Variants in SSPN observed in about 807,000 individuals in gnomAD.
The protein encoded by SSPN is K-ras oncogene-associated protein.
SSPN carries 15 observed loss-of-function variants against 19.1 expected under a neutral mutation model. The ratio of observed to expected loss-of-function variants is 0.78; its 90% CI spans 0.52 to 1.21. The LOEUF is 1.21. Among genes scored for constraint, SSPN ranks in the 50% most tolerant of loss-of-function variants. SSPN has a pLI of 0.00. For missense variants in SSPN, 291 were observed against 314.0 expected (o/e 0.93, Z 0.55); for synonymous variants, 147 against 140.3 (o/e 1.05, Z -0.34).
At chr12:26,197,831 T>G (rs978482429) in intron 1 of SSPN, among the ~76,000 whole-genome samples, 5 of 152,202 alleles carry the variant, frequency 3.3e-5, no homozygotes, top group Non-Finnish European at 7.3e-5. Context: ...CCTGATGAAA[T>G]CTGTCATCTT....
intron 1 of SSPN, among the ~76,000 whole-genome samples, chr12:26,222,027 T>C (rs745831955): frequency 6.6e-6 from 1 of 152,232 alleles, no homozygotes; most frequent in Non-Finnish European, 1.5e-5. Flanking sequence ...GAAAATGCCA[T>C]GTTAGGGGCT....
intron 1 of SSPN, chr12:26,122,347 G>C: frequency 1.7e-6 from 2 of 1,182,472 alleles, no homozygotes; most frequent in Non-Finnish European, 2.1e-6. Flanking sequence ...GGGATGCCGG[G>C]GTATAGCAGC....
intron 1 of SSPN, among the ~76,000 whole-genome samples, chr12:26,129,418 C>A (rs1944385520): frequency 6.6e-6 from 1 of 152,150 alleles, no homozygotes; most frequent in Non-Finnish European, 1.5e-5. Context: ...TGCACACCTA[C>A]TCTCAAGGGA....
Position 26,230,692 on chromosome 12 carries a change from TTCTTC to T in SSPN, c.367-17_367-13del, listed in dbSNP as rs774414906. ...AATGTTCTTTGTAACCAGAAAGGTT[TTCTTC>T]TGCTTTCTTGCAGCTGTTATACTTT... On this transcript the variant is annotated splice_polypyrimidine_tract_variant and intron_variant, in intron 2 of 2. Transcript: ENST00000242729. 6.3e-7 allele frequency: 1 copy of T among 1,583,122 alleles called. No homozygotes were observed. Among genetic ancestry groups the T allele is most frequent in the Non-Finnish European group, 8.6e-7 (1 of 1,161,230 alleles).
intron 1 of SSPN, among the ~76,000 whole-genome samples, chr12:26,164,781 AAGCT>A (rs1944610697): frequency 6.6e-6 from 1 of 152,186 alleles, no homozygotes; most frequent in African/African-American, 2.4e-5. Flanking sequence ...AACCTGGTCA[AAGCT>A]ATTTTGAATT....
At chr12:26,207,666 C>T (rs888161338) in intron 1 of SSPN, among the ~76,000 whole-genome samples, 2 of 152,068 alleles carry the variant, frequency 1.3e-5, no homozygotes, top group African/African-American at 4.8e-5. Context: ...AGATATCATT[C>T]ATTCATGTTT....
intron 1 of SSPN, among the ~76,000 whole-genome samples, chr12:26,166,339 T>C (rs1189802575): frequency 1.3e-5 from 2 of 152,242 alleles, no homozygotes; most frequent in Non-Finnish European, 2.9e-5. Flanking sequence ...GCATAGTCCC[T>C]TAATAATTAT....
chr12:26,187,530 T>C (rs1944761422), intron 1 of SSPN, among the ~76,000 whole-genome samples: 1 of 152,226 alleles, frequency 6.6e-6, no homozygotes, highest in South Asian at 2.1e-4. Context: ...CTTATTTTGA[T>C]GTAACCGTCA....
intron 1 of SSPN, among the ~76,000 whole-genome samples, chr12:26,134,716 C>T (rs1316337599): frequency 6.6e-6 from 1 of 150,972 alleles, no homozygotes; most frequent in East Asian, 2.0e-4. Context: ...TTCCCACCCT[C>T]CCATCCCCCA....
At chr12:26,208,478 T>C (rs1196260171) in intron 1 of SSPN, among the ~76,000 whole-genome samples, 2 of 152,198 alleles carry the variant, frequency 1.3e-5, no homozygotes, top group Non-Finnish European at 2.9e-5. Context: ...GTTACTTTTG[T>C]TACTTAATCT....
At chr12:26,223,534 G>T (rs890592161) in intron 1 of SSPN, among the ~76,000 whole-genome samples, 1 of 152,208 alleles carries the variant, frequency 6.6e-6, no homozygotes, top group Admixed American at 6.5e-5. Context: ...TAAACTATGG[G>T]TGTGCATTTG....
At chr12:26,183,293 T>A (rs1469207749) in intron 1 of SSPN, among the ~76,000 whole-genome samples, 1 of 152,202 alleles carries the variant, frequency 6.6e-6, no homozygotes, top group South Asian at 2.1e-4. Context: ...TAAAACTTTC[T>A]TGTAGAAATG....
In SSPN at chr12:26,195,714, G is replaced by A; in HGVS notation, c.42G>A (p.Gly14=). ...NKQPRGQQRQ[G]GPPAADAAGP... The stretch of plus-strand genomic sequence containing the variant: ...AGCCACGCGGCCAGCAGAGGCAGGG[G>A]GGCCCGCCGGCCGCGGACGCCGCTG... Residue 14 remains glycine, a synonymous_variant, in exon 1 of 3, where the codon GGG becomes GGA. Coordinates refer to ENST00000242729, the MANE Select transcript of SSPN (RefSeq NM_005086.5). 2.1e-6 allele frequency: 3 copies of A among 1,434,534 alleles called. No individual in the cohort carries two copies. Among genetic ancestry groups the A allele is most frequent in the South Asian group, 1.4e-5 (1 of 70,416 alleles). The allele number at this position is 1,434,534 out of a possible 1,614,324, so 88.9% of individuals were successfully genotyped here.
chr12:26,216,364 A>AGTGTTTC (rs1237809169), intron 1 of SSPN, among the ~76,000 whole-genome samples: 22 of 151,944 alleles, frequency 1.4e-4, no homozygotes, highest in African/African-American at 4.3e-4. Context: ...TGGCTGCATA[A>AGTGTTTC]ATGTCTTCTT....
intron 1 of SSPN, among the ~76,000 whole-genome samples, chr12:26,214,145 AATT>A (rs1229942779): frequency 1.3e-5 from 2 of 152,172 alleles, no homozygotes; most frequent in Non-Finnish European, 2.9e-5. Context: ...TTTAAAAGCC[AATT>A]ATTAACTGTC....
At chr12:26,189,414 C>T (rs576343863) in intron 1 of SSPN, among the ~76,000 whole-genome samples, 1 of 152,258 alleles carries the variant, frequency 6.6e-6, no homozygotes, top group Admixed American at 6.5e-5. Context: ...TTCTCCCACC[C>T]TGCAAACTCA....
chr12:26,166,858 A>T (rs1472062338), intron 1 of SSPN, among the ~76,000 whole-genome samples: 2 of 152,250 alleles, frequency 1.3e-5, no homozygotes, highest in Non-Finnish European at 2.9e-5. Flanking sequence ...TATCCAAAGC[A>T]AGTGGCTCAT....
intron 1 of SSPN, among the ~76,000 whole-genome samples, chr12:26,174,503 C>CCTTCCTTCCTTCCTT (rs75173753): frequency 8.0e-6 from 1 of 124,290 alleles, no homozygotes; most frequent in African/African-American, 3.6e-5. Context: ...TTCCTTCCTT[C>CCTTCCTTCCTTCCTT]CCTTCCTTCC....
chr12:26,124,936 G>C lies in SSPN; in HGVS notation c.-31+2784G>C, dbSNP rs183634927. On this transcript the variant is annotated intron_variant, in intron 1 of 2. Transcript: ENST00000538142. ...CAGTGTTGAAAGTGTGAAGCAGTTGGTCCCCCCCCTCCACCGCGCTCGCAC... is the reference window on the plus strand; with the variant it reads ...CAGTGTTGAAAGTGTGAAGCAGTTGCTCCCCCCCCTCCACCGCGCTCGCAC... 1,033 of 771,632 alleles carry C rather than the reference G, an allele frequency of 1.3e-3. 13 individuals are homozygous for C. The East Asian group carries it at 0.021, about 15-fold the overall frequency. The allele number at this position is 771,632 out of a possible 1,614,324, so 47.8% of individuals were successfully genotyped here. A position where few individuals can be genotyped will look rare whatever the true frequency, so the allele number is the denominator to read the frequency against.
Sources: allele counts gnomAD v4.1 joint callset (sites outside exome capture counted in the v4.1 genomes callset), GRCh38; gene constraint gnomAD v4.1.1; transcripts MANE v1.5; gene names NCBI Gene and HGNC (gene_info 2026-07-23, HGNC 2026-07-21).